The following PSD3 variants were observed in gnomAD, a reference collection of about 807,000 sequenced individuals.
PSD3 encodes PH and SEC7 domain-containing protein 3.
A neutral mutation model predicts 105.5 loss-of-function variants in PSD3; 49 were observed. The ratio of observed to expected loss-of-function variants is 0.46; its 90% CI spans 0.37 to 0.59. PSD3 has a LOEUF of 0.59. PSD3 is among the 20% of genes least tolerant of loss of function. The probability of loss-of-function intolerance (pLI) is 0.00; values close to 1 mark genes in which losing one functional copy is unlikely to be tolerated. For synonymous variants in PSD3, 557 were observed against 457.8 expected, an observed-to-expected ratio of 1.22 and a Z score of -2.77; for missense variants, 1,561 against 1,263.8, an observed-to-expected ratio of 1.24 and a Z score of -3.57.
intron 2 of PSD3, among the ~76,000 whole-genome samples, chr8:18,930,945 CCAAT>C (rs1432844603): frequency 6.6e-6 from 1 of 152,174 alleles, no homozygotes; most frequent in African/African-American, 2.4e-5. Context: ...CACTTTCTTA[CCAAT>C]CACAATATGG....
chr8:18,873,112 T>C (rs529457503), intron 2 of PSD3, among the ~76,000 whole-genome samples: 22 of 152,336 alleles, frequency 1.4e-4, no homozygotes, highest in African/African-American at 5.3e-4. Flanking sequence ...AAAATGTGTA[T>C]ATTGGGCTTA....
intron 15 of PSD3, among the ~76,000 whole-genome samples, chr8:18,539,850 A>C (rs892385953): frequency 2.6e-5 from 4 of 151,992 alleles, no homozygotes; most frequent in African/African-American, 9.7e-5. Flanking sequence ...TCGGCCAGTA[A>C]ATTACTTTTT....
At chr8:18,687,462 T>C (rs1340557701) in intron 9 of PSD3, among the ~76,000 whole-genome samples, 1 of 149,290 alleles carries the variant, frequency 6.7e-6, no homozygotes, top group African/African-American at 2.5e-5. Flanking sequence ...TGAGATCCTG[T>C]CTCAAAAAAA....
intron 9 of PSD3, among the ~76,000 whole-genome samples, chr8:18,674,132 T>G (rs2130923205): frequency 6.7e-6 from 1 of 149,152 alleles, no homozygotes. Context: ...GATGAAAGAG[T>G]GAAACTTGTC....
intron 9 of PSD3, among the ~76,000 whole-genome samples, chr8:18,698,210 T>C (rs1801371092): frequency 6.6e-6 from 1 of 152,180 alleles, no homozygotes; most frequent in Non-Finnish European, 1.5e-5. Context: ...CTGAGCCTCC[T>C]GCTTCAATCT....
At chr8:19,073,791 TC>T (rs1829352784) in intron 1 of PSD3, among the ~76,000 whole-genome samples, 2 of 80,824 alleles carry the variant, frequency 2.5e-5, no homozygotes, top group African/African-American at 5.9e-5. Flanking sequence ...TGTGTTTTTT[TC>T]TTTTTCTTTT....
intron 8 of PSD3, among the ~76,000 whole-genome samples, chr8:18,766,422 T>C (rs1807006616): frequency 6.6e-6 from 1 of 152,206 alleles, no homozygotes; most frequent in Non-Finnish European, 1.5e-5. Flanking sequence ...GCTTTTAAAA[T>C]TCTCATTAAA....
intron 12 of PSD3, among the ~76,000 whole-genome samples, chr8:18,583,343 T>C (rs1802945508): frequency 6.6e-6 from 1 of 152,116 alleles, no homozygotes; most frequent in Non-Finnish European, 1.5e-5. Context: ...GTTGGAGGAC[T>C]GCTTGATCCT....
At chr8:18,902,385 G>A (rs1379367290) in intron 2 of PSD3, among the ~76,000 whole-genome samples, 1 of 151,994 alleles carries the variant, frequency 6.6e-6, no homozygotes, top group Non-Finnish European at 1.5e-5. Flanking sequence ...TCATTCACAT[G>A]GTGAATTGTT....
intron 9 of PSD3, chr8:18,732,988 CGAA>C (rs1803879117): frequency 6.6e-6 from 1 of 152,004 alleles, no homozygotes; most frequent in African/African-American, 2.4e-5. Context: ...CTTCAACCAA[CGAA>C]GGAGAGAAAA....
chr8:19,022,016 G>C (rs1271528131), intron 1 of PSD3, among the ~76,000 whole-genome samples: 1 of 152,228 alleles, frequency 6.6e-6, no homozygotes, highest in Non-Finnish European at 1.5e-5. Context: ...CTCAGCTTCT[G>C]GCGAGACTCA....
At chr8:18,811,890 AT>A (rs1811719995) in intron 4 of PSD3, among the ~76,000 whole-genome samples, 1 of 152,244 alleles carries the variant, frequency 6.6e-6, no homozygotes. Context: ...AATATATTCC[AT>A]TTAGTAACAG....
chr8:18,903,625 C>A (rs931078046), intron 2 of PSD3, among the ~76,000 whole-genome samples: 2 of 152,152 alleles, frequency 1.3e-5, no homozygotes, highest in Admixed American at 6.5e-5. Flanking sequence ...TATGTCAGTT[C>A]AGCCCAGGGA....
chr8:18,689,842 G>A lies in PSD3; in HGVS notation c.2173-34157C>T, dbSNP rs568248497. ...CTATTCATTTGGACTTATTATTAGAGCTGGGAGAGGCCTCAGCAAGAATCA... is the reference window on the plus strand; with the variant it reads ...CTATTCATTTGGACTTATTATTAGAACTGGGAGAGGCCTCAGCAAGAATCA... On this transcript the variant is annotated intron_variant, in intron 9 of 15. Transcript: ENST00000327040. 7.9e-5 allele frequency among the ~76,000 whole-genome samples: 12 copies of A among 152,260 alleles called. No homozygotes were observed. In the South Asian group the frequency reaches 1.9e-3, roughly 24 times the overall value.
chr8:18,675,945 T>C (rs748773081), intron 9 of PSD3, among the ~76,000 whole-genome samples: 1 of 152,174 alleles, frequency 6.6e-6, no homozygotes, highest in Non-Finnish European at 1.5e-5. Flanking sequence ...AAGCCAGGCA[T>C]GATCTAACAA....
intron 2 of PSD3, among the ~76,000 whole-genome samples, chr8:18,921,671 C>T (rs1386295893): frequency 6.6e-6 from 1 of 152,184 alleles, no homozygotes; most frequent in Non-Finnish European, 1.5e-5. Context: ...TCTCTGGATG[C>T]TACTTGGGGT....
At chr8:18,904,211 A>C (rs1819692378) in intron 2 of PSD3, among the ~76,000 whole-genome samples, 1 of 152,110 alleles carries the variant, frequency 6.6e-6, no homozygotes, top group Non-Finnish European at 1.5e-5. Flanking sequence ...AGGCTCTTTT[A>C]AACAACTAGG....
intron 14 of PSD3, chr8:18,557,612 G>A (rs192667571): frequency 7.4e-4 from 114 of 153,374 alleles, no homozygotes; most frequent in African/African-American, 2.5e-3. Flanking sequence ...GCATGAACAC[G>A]TGGAGTGATC....
At chr8:18,559,755 A>T (rs1233638132) in intron 14 of PSD3, among the ~76,000 whole-genome samples, 1 of 152,062 alleles carries the variant, frequency 6.6e-6, no homozygotes, top group Non-Finnish European at 1.5e-5. Context: ...AACAAATCCC[A>T]ATTTCTACTT....
Sources: allele counts gnomAD v4.1 joint callset (sites outside exome capture counted in the v4.1 genomes callset), GRCh38; gene constraint gnomAD v4.1.1; transcripts MANE v1.5; gene names NCBI Gene and HGNC (gene_info 2026-07-23, HGNC 2026-07-21).